The following PITPNC1 variants were observed in gnomAD, a reference collection of about 807,000 sequenced individuals.
PITPNC1 encodes the protein cytoplasmic phosphatidylinositol transfer protein 1.
A neutral mutation model predicts 44.7 loss-of-function variants in PITPNC1; 18 were observed. The observed-to-expected ratio is 0.40, with a 90% CI of 0.28 to 0.60. The LOEUF is 0.60. Among genes scored for constraint, PITPNC1 ranks in the 20% least tolerant of loss-of-function variants. The pLI, the probability that PITPNC1 is intolerant of heterozygous loss-of-function variation, is 0.39. For missense variants in PITPNC1, 290 were observed against 418.4 expected (o/e 0.69, Z 2.68); for synonymous variants, 141 against 149.6 (o/e 0.94, Z 0.42).
intron 1 of PITPNC1, among the ~76,000 whole-genome samples, chr17:67,499,740 A>C (rs961796382): frequency 2.0e-5 from 3 of 152,250 alleles, no homozygotes; most frequent in African/African-American, 7.2e-5. Flanking sequence ...TAGTTATGTT[A>C]CAGTTGCCTA....
chr17:67,577,628 A>T (rs1978732), intron 4 of PITPNC1, among the ~76,000 whole-genome samples: 31,854 of 150,798 alleles, frequency 0.21, 3,506 homozygotes, highest in South Asian at 0.31. Context: ...AAATTTAAAA[A>T]TTTTTTTTAT....
At chr17:67,583,170 A>C (rs898994130) in intron 5 of PITPNC1, among the ~76,000 whole-genome samples, 2 of 152,206 alleles carry the variant, frequency 1.3e-5, no homozygotes, top group Admixed American at 6.5e-5. Context: ...TCCAGCTGGC[A>C]GTGTGTGCAG....
chr17:67,464,302 A>T (rs1598701047), intron 1 of PITPNC1, among the ~76,000 whole-genome samples: 1 of 152,296 alleles, frequency 6.6e-6, no homozygotes, highest in South Asian at 2.1e-4. Context: ...TGGATTATTC[A>T]TCTAAGTGAG....
At chr17:67,572,103 T>G (rs754996051) in intron 4 of PITPNC1, among the ~76,000 whole-genome samples, 8 of 152,184 alleles carry the variant, frequency 5.3e-5, no homozygotes, top group Non-Finnish European at 7.3e-5. Flanking sequence ...TCAGCAGCCC[T>G]TAGACATCTT....
chr17:67,531,737 G>C (rs1598787552), intron 1 of PITPNC1, among the ~76,000 whole-genome samples: 1 of 152,166 alleles, frequency 6.6e-6, no homozygotes, highest in East Asian at 1.9e-4. Flanking sequence ...TCATTAGTTT[G>C]TTGCAGACTC....
At chr17:67,408,696 TC>T in intron 1 of PITPNC1, 1 of 142,014 alleles carries the variant, frequency 7.0e-6, no homozygotes, top group Non-Finnish European at 1.6e-5. Flanking sequence ...CTTCCTTCCT[TC>T]CTTCCTTCCT....
chr17:67,538,316 A>AGTTTATT (rs1279732336), intron 2 of PITPNC1, among the ~76,000 whole-genome samples: 9 of 152,142 alleles, frequency 5.9e-5, no homozygotes, highest in African/African-American at 2.2e-4. Flanking sequence ...AATAAACTCC[A>AGTTTATT]TGGCTGGGCG....
At chr17:67,617,542 A>G (rs1050339223) in intron 5 of PITPNC1, among the ~76,000 whole-genome samples, 3 of 152,174 alleles carry the variant, frequency 2.0e-5, no homozygotes, top group Non-Finnish European at 4.4e-5. Context: ...GAGTTGTAAT[A>G]GTTTCCCAGG....
chr17:67,669,991 T>G (rs1010405829), intron 7 of PITPNC1, among the ~76,000 whole-genome samples: 3 of 151,936 alleles, frequency 2.0e-5, no homozygotes, highest in Non-Finnish European at 2.9e-5. Context: ...GAGAATTACT[T>G]GAACCCGGGA....
intron 1 of PITPNC1, among the ~76,000 whole-genome samples, chr17:67,491,273 C>T (rs191080919): frequency 2.6e-5 from 4 of 152,316 alleles, no homozygotes; most frequent in East Asian, 1.9e-4. Context: ...CCCAGGAACC[C>T]GCAGGACACT....
intron 1 of PITPNC1, among the ~76,000 whole-genome samples, chr17:67,417,150 A>T (rs1211618480): frequency 1.3e-5 from 2 of 151,492 alleles, no homozygotes; most frequent in African/African-American, 4.9e-5. Flanking sequence ...TTTTTTTTTG[A>T]GACATGGTTT....
chr17:67,685,308 C>T (rs2042792213), intron 8 of PITPNC1, among the ~76,000 whole-genome samples: 2 of 152,176 alleles, frequency 1.3e-5, no homozygotes, highest in South Asian at 2.1e-4. Context: ...GCTTATGGAC[C>T]GCATTTGCGA....
chr17:67,479,495 C>G (rs2039675713), intron 1 of PITPNC1, among the ~76,000 whole-genome samples: 1 of 152,196 alleles, frequency 6.6e-6, no homozygotes, highest in East Asian at 1.9e-4. Flanking sequence ...GTCTAAATCT[C>G]AGTTTACAAA....
intron 2 of PITPNC1, among the ~76,000 whole-genome samples, chr17:67,545,335 T>C (rs1246207680): frequency 1.3e-5 from 2 of 151,042 alleles, no homozygotes; most frequent in African/African-American, 4.9e-5. Context: ...TCCCAGCACT[T>C]TGGGAGGCCA....
Position 67,692,620 on chromosome 17 carries a change from C to A in PITPNC1, c.731C>A (p.Ala244Asp). The A allele has an allele frequency of 6.2e-7, 1 of 1,613,736 alleles. No homozygotes were observed. The highest frequency in any genetic ancestry group is 8.5e-7 in the Non-Finnish European group (1 of 1,179,668). Reference protein sequence around the residue: ...VREFERATQEATNKKIGIFPP... With the variant: ...VREFERATQEDTNKKIGIFPP... ...GAATTTGAACGAGCCACTCAGGAAG[C>A]CACCAACAAGAAAATCGGCATTTTC... Residue 244 changes from alanine (A) to aspartate (D), a missense_variant, in exon 9 of 9, where the codon GCC becomes GAC. Physicochemically the swap from Ala to Asp is moderately radical, Grantham distance 126 (BLOSUM62 -2). Transcript: ENST00000581322.
intron 1 of PITPNC1, among the ~76,000 whole-genome samples, chr17:67,393,044 C>T (rs1350490947): frequency 6.6e-6 from 1 of 151,432 alleles, no homozygotes; most frequent in African/African-American, 2.4e-5. Flanking sequence ...GCAGGAGAAT[C>T]GCTTGAACCT....
chr17:67,410,203 C>T, intron 1 of PITPNC1, among the ~76,000 whole-genome samples: 1 of 152,078 alleles, frequency 6.6e-6, no homozygotes, highest in East Asian at 1.9e-4. Context: ...TTTTAGGCCT[C>T]TAATATTTTA....
At chr17:67,381,976 T>C (rs2037967914) in intron 1 of PITPNC1, among the ~76,000 whole-genome samples, 1 of 152,172 alleles carries the variant, frequency 6.6e-6, no homozygotes. Flanking sequence ...GATGAATACA[T>C]TGAGATTCAG....
intron 8 of PITPNC1, among the ~76,000 whole-genome samples, chr17:67,688,338 CAAA>C (rs56938476): frequency 9.2e-5 from 5 of 54,364 alleles, no homozygotes; most frequent in African/African-American, 3.5e-4. Context: ...AATTCTGTCT[CAAA>C]AAAAAAAAAA....
Sources: allele counts gnomAD v4.1 joint callset (sites outside exome capture counted in the v4.1 genomes callset), GRCh38; gene constraint gnomAD v4.1.1; transcripts MANE v1.5; gene names NCBI Gene and HGNC (gene_info 2026-07-23, HGNC 2026-07-21).